THSD4: variants seen among roughly 807,000 people sequenced by gnomAD.
THSD4 encodes thrombospondin type-1 domain-containing protein 4.
In THSD4, 69 loss-of-function variants were observed where a neutral mutation model predicts 119.0. The ratio of observed to expected loss-of-function variants is 0.58; its 90% CI spans 0.48 to 0.71. The LOEUF is 0.71. Ranked by LOEUF, THSD4 falls within the 30% of genes least tolerant of loss-of-function variation. The pLI, the probability that THSD4 is intolerant of heterozygous loss-of-function variation, is 0.00. For synonymous variants in THSD4, 524 were observed against 540.4 expected (o/e 0.97, Z 0.42); for missense variants, 1,393 against 1,391.1 (o/e 1.00, Z -0.02).
At chr15:71,348,966 T>C (rs182744074) in intron 6 of THSD4, among the ~76,000 whole-genome samples, 114 of 152,368 alleles carry the variant, frequency 7.5e-4, no homozygotes, top group Middle Eastern at 3.4e-3. Flanking sequence ...ACCTCTTGTA[T>C]TGTAATCTCT....
chr15:71,490,538 T>C (rs896747541), intron 7 of THSD4, among the ~76,000 whole-genome samples: 1 of 131,162 alleles, frequency 7.6e-6, no homozygotes, highest in Non-Finnish European at 1.5e-5. Flanking sequence ...CCAGCCTGGG[T>C]GACAGAGCAA....
intron 5 of THSD4, among the ~76,000 whole-genome samples, chr15:71,251,017 A>T (rs971746240): frequency 2.0e-5 from 3 of 152,140 alleles, no homozygotes; most frequent in Non-Finnish European, 4.4e-5. Context: ...CCTTTCCCCA[A>T]CTCTTTGGAC....
chr15:71,270,388 G>T (rs2044514498), intron 6 of THSD4, among the ~76,000 whole-genome samples: 1 of 152,174 alleles, frequency 6.6e-6, no homozygotes, highest in Non-Finnish European at 1.5e-5. Flanking sequence ...TGAGAAACCT[G>T]GCTAGCCATA....
At chr15:71,504,017 G>A (rs564563162) in intron 7 of THSD4, among the ~76,000 whole-genome samples, 30 of 152,316 alleles carry the variant, frequency 2.0e-4, no homozygotes, top group African/African-American at 7.0e-4. Context: ...AGTGCATTAT[G>A]ATTTTAGGGG....
At chr15:71,638,525 A>G (rs534643207) in intron 7 of THSD4, among the ~76,000 whole-genome samples, 3 of 152,362 alleles carry the variant, frequency 2.0e-5, no homozygotes, top group Admixed American at 6.5e-5. Flanking sequence ...TATGAACAGT[A>G]TGTCTTTTCT....
At chr15:71,565,873 A>G (rs904414997) in intron 7 of THSD4, among the ~76,000 whole-genome samples, 7 of 152,340 alleles carry the variant, frequency 4.6e-5, no homozygotes, top group South Asian at 4.1e-4. Context: ...GCTCTAAGCC[A>G]GCTTCTGAGG....
rs538312767 is a variant in THSD4 at position 71,454,894 on chromosome 15, A to G, written c.1152+43071A>G. Among the ~76,000 whole-genome samples the G allele has an allele frequency of 1.5e-4, 23 of 152,352 alleles. 1 individual carries two copies. In the South Asian group the frequency reaches 4.6e-3, roughly 30 times the overall value. ...TCCCCAAAGCCCAGTTGAAGAGATC[A>G]AGATGGGAGGAATAAACACTCTCTC... is the stretch of plus-strand genomic sequence containing the variant. On this transcript the variant is annotated intron_variant, in intron 7 of 17. Transcript: ENST00000261862.
At chr15:71,568,242 C>T (rs2049278861) in intron 7 of THSD4, among the ~76,000 whole-genome samples, 2 of 152,086 alleles carry the variant, frequency 1.3e-5, no homozygotes, top group African/African-American at 2.4e-5. Context: ...AGAATTCTTG[C>T]CCATACATCA....
At chr15:71,285,177 A>C (rs1331969299) in intron 6 of THSD4, among the ~76,000 whole-genome samples, 1 of 152,232 alleles carries the variant, frequency 6.6e-6, no homozygotes, top group East Asian at 1.9e-4. Context: ...TCCATTAAAT[A>C]ATTTACAGCT....
intron 3 of THSD4, among the ~76,000 whole-genome samples, chr15:71,202,465 A>C (rs1326062808): frequency 6.6e-6 from 1 of 152,120 alleles, no homozygotes; most frequent in Non-Finnish European, 1.5e-5. Flanking sequence ...ATATGCACCC[A>C]CACACACACG....
chr15:71,370,476 G>A (rs571333112), intron 6 of THSD4, among the ~76,000 whole-genome samples: 38 of 152,222 alleles, frequency 2.5e-4, no homozygotes, highest in South Asian at 6.2e-4. Flanking sequence ...ATTTTGGTAC[G>A]TTGTGTCTTT....
At chr15:71,410,078 T>C (rs1446865844) in intron 6 of THSD4, among the ~76,000 whole-genome samples, 1 of 152,098 alleles carries the variant, frequency 6.6e-6, no homozygotes, top group Non-Finnish European at 1.5e-5. Context: ...AGGCTTGGTG[T>C]GAAGTGATAG....
At chr15:71,585,089 C>G (rs567639629) in intron 7 of THSD4, among the ~76,000 whole-genome samples, 1 of 152,192 alleles carries the variant, frequency 6.6e-6, no homozygotes, top group South Asian at 2.1e-4. Context: ...TGTCTTTTCA[C>G]TTTATACCAG....
intron 7 of THSD4, among the ~76,000 whole-genome samples, chr15:71,583,838 G>GA (rs2049604677): frequency 6.6e-6 from 1 of 152,038 alleles, no homozygotes; most frequent in Admixed American, 6.6e-5. Context: ...GTTCTATCCT[G>GA]GAAAAGATTC....
chr15:71,135,746 A>C (rs1297527179), intron 1 of THSD4, among the ~76,000 whole-genome samples: 1 of 152,046 alleles, frequency 6.6e-6, no homozygotes, highest in Non-Finnish European at 1.5e-5. Flanking sequence ...ATGGGGGTGG[A>C]GGGGACACTC....
intron 3 of THSD4, chr15:71,165,451 G>T (rs544114458): frequency 2.2e-6 from 3 of 1,389,982 alleles, no homozygotes; most frequent in Non-Finnish European, 3.0e-6. Context: ...GCACAGAGTC[G>T]CCCAGTGCCC....
At chr15:71,124,107 A>AT (rs2040432948) in intron 1 of THSD4, among the ~76,000 whole-genome samples, 1 of 152,182 alleles carries the variant, frequency 6.6e-6, no homozygotes, top group Non-Finnish European at 1.5e-5. Context: ...CAGCACCACC[A>AT]TTTGACAGAC....
rs189900590 is a variant in THSD4, at chr15:71,515,733, G to A, written c.1152+103910G>A. ...GCTGGATCAGAATTCGATGTTCTTTGTGAAGTAATAAATTGTGTCTTGGCT... is the reference window on the plus strand; with the variant it reads ...GCTGGATCAGAATTCGATGTTCTTTATGAAGTAATAAATTGTGTCTTGGCT... On this transcript the variant is annotated intron_variant, in intron 7 of 17. Coordinates refer to ENST00000261862, the MANE Select transcript of THSD4 (RefSeq NM_024817.3). Among the ~76,000 whole-genome samples the A allele has an allele frequency of 9.2e-5, 14 of 152,336 alleles. No individual in the cohort carries two copies. The East Asian group carries it at 2.3e-3, about 25-fold the overall frequency.
chr15:71,489,644 T>C (rs1173180319), intron 7 of THSD4, among the ~76,000 whole-genome samples: 1 of 152,166 alleles, frequency 6.6e-6, no homozygotes, highest in Non-Finnish European at 1.5e-5. Context: ...TGGAGAAAAT[T>C]TGTTTTCATT....
Sources: allele counts gnomAD v4.1 joint callset (sites outside exome capture counted in the v4.1 genomes callset), GRCh38; gene constraint gnomAD v4.1.1; transcripts MANE v1.5; gene names NCBI Gene and HGNC (gene_info 2026-07-23, HGNC 2026-07-21).